ASTN1: variants seen among roughly 807,000 people sequenced by gnomAD.
ASTN1 encodes the protein astrotactin-1.
Under a neutral mutation model 140.7 loss-of-function variants are expected in ASTN1, and 41 were observed. The observed-to-expected ratio is 0.29, with a 90% CI of 0.23 to 0.38. ASTN1 has a LOEUF of 0.38. Ranked by LOEUF, ASTN1 falls within the 10% of genes least tolerant of loss-of-function variation. ASTN1 has a pLI of 1.00. For missense variants in ASTN1, 1,479 were observed against 1,678.8 expected (o/e 0.88, Z 2.08); for synonymous variants, 640 against 652.2 (o/e 0.98, Z 0.29).
chr1:177,103,434 G>C (rs1356213419), intron 1 of ASTN1, among the ~76,000 whole-genome samples: 2 of 152,104 alleles, frequency 1.3e-5, no homozygotes, highest in African/African-American at 4.8e-5. Context: ...GCAGGATAGG[G>C]CACTGGGCGA....
intron 14 of ASTN1, among the ~76,000 whole-genome samples, chr1:176,939,784 A>G (rs534379509): frequency 4.6e-5 from 7 of 151,268 alleles, no homozygotes; most frequent in African/African-American, 1.7e-4. Flanking sequence ...TATTCAAAGC[A>G]AGAAAAAGAA....
intron 1 of ASTN1, among the ~76,000 whole-genome samples, chr1:177,118,856 G>A (rs1681232495): frequency 6.6e-6 from 1 of 152,162 alleles, no homozygotes; most frequent in Non-Finnish European, 1.5e-5. Flanking sequence ...CCTTCTAGTT[G>A]GGGGACTGTG....
intron 16 of ASTN1, among the ~76,000 whole-genome samples, chr1:176,917,214 G>C (rs1422484090): frequency 1.3e-5 from 2 of 152,098 alleles, no homozygotes; most frequent in African/African-American, 4.8e-5. Flanking sequence ...CCAGAGACTT[G>C]ATGAACAACT....
At chr1:176,956,755 A>T (rs1672422928) in intron 11 of ASTN1, among the ~76,000 whole-genome samples, 1 of 152,180 alleles carries the variant, frequency 6.6e-6, no homozygotes, top group Non-Finnish European at 1.5e-5. Context: ...TGAGTATAAG[A>T]ATGGCCCACA....
intron 8 of ASTN1, among the ~76,000 whole-genome samples, chr1:176,972,225 A>G (rs983521696): frequency 2.6e-5 from 4 of 152,228 alleles, no homozygotes; most frequent in African/African-American, 9.6e-5. Context: ...TATGTGGTAC[A>G]TGACTGTACT....
intron 5 of ASTN1, among the ~76,000 whole-genome samples, chr1:177,028,061 T>A (rs1416792271): frequency 2.0e-5 from 3 of 152,164 alleles, no homozygotes; most frequent in African/African-American, 7.2e-5. Context: ...CTAGGCACTT[T>A]GGAAAAATAA....
At chr1:176,891,408 G>A (rs1669260743) in intron 17 of ASTN1, among the ~76,000 whole-genome samples, 1 of 152,200 alleles carries the variant, frequency 6.6e-6, no homozygotes, top group South Asian at 2.1e-4. Flanking sequence ...GCTAGGCACT[G>A]GGATTCTGGA....
In ASTN1 at chr1:176,920,628, G is replaced by A. The variant is rs116774227; in HGVS notation, c.2671+13524C>T. 5.7e-3 allele frequency among the ~76,000 whole-genome samples: 863 copies of A among 152,294 alleles called. 5 individuals are homozygous for A. Among genetic ancestry groups the A allele is most frequent in the African/African-American group, 0.02 (828 of 41,550 alleles). On this transcript the variant is annotated intron_variant, in intron 16 of 22. Transcript: ENST00000361833. ...GGGATGAACTATGAATGTGGGGAGT[G>A]TGTTCTGAGTCTTACAACAGTTTTT...
intron 2 of ASTN1, among the ~76,000 whole-genome samples, chr1:177,054,329 A>C (rs897742426): frequency 7.9e-5 from 12 of 152,336 alleles, no homozygotes; most frequent in African/African-American, 2.6e-4. Flanking sequence ...TGCAAAACAC[A>C]ATTTTGATGA....
intron 2 of ASTN1, among the ~76,000 whole-genome samples, chr1:177,052,884 G>A (rs941422605): frequency 6.6e-6 from 1 of 152,198 alleles, no homozygotes; most frequent in African/African-American, 2.4e-5. Flanking sequence ...GCAGAGTCAA[G>A]TTTGGAGTCA....
At chr1:177,059,102 T>G (rs1045568850) in intron 2 of ASTN1, among the ~76,000 whole-genome samples, 3 of 152,182 alleles carry the variant, frequency 2.0e-5, no homozygotes, top group South Asian at 4.1e-4. Flanking sequence ...CTATACACCT[T>G]TCTTTACCTT....
At chr1:176,937,919 C>T (rs1031185076) in intron 14 of ASTN1, among the ~76,000 whole-genome samples, 1 of 152,086 alleles carries the variant, frequency 6.6e-6, no homozygotes. Context: ...TAATTAGCTG[C>T]TTGTCAACCC....
At chr1:176,951,399 G>A (rs1672186754) in intron 11 of ASTN1, among the ~76,000 whole-genome samples, 1 of 152,230 alleles carries the variant, frequency 6.6e-6, no homozygotes, top group African/African-American at 2.4e-5. Context: ...ATGGAAGTTT[G>A]ATTGGAATTG....
chr1:177,071,709 C>T (rs1678644770), intron 1 of ASTN1, among the ~76,000 whole-genome samples: 1 of 152,178 alleles, frequency 6.6e-6, no homozygotes, highest in African/African-American at 2.4e-5. Context: ...CATAAGTGAC[C>T]TGTAAAGCTT....
At chr1:177,114,576 A>G (rs1038083875) in intron 1 of ASTN1, among the ~76,000 whole-genome samples, 2 of 152,184 alleles carry the variant, frequency 1.3e-5, no homozygotes, top group African/African-American at 4.8e-5. Context: ...CAATATTACA[A>G]CCAGGTGATA....
chr1:176,913,640 G>T (rs866875132), intron 16 of ASTN1, among the ~76,000 whole-genome samples: 9 of 152,248 alleles, frequency 5.9e-5, no homozygotes, highest in Admixed American at 2.0e-4. Context: ...CTGGGGCAGG[G>T]TAGGGAAGCC....
intron 22 of ASTN1, among the ~76,000 whole-genome samples, chr1:176,866,910 C>A (rs1668143048): frequency 6.6e-6 from 1 of 152,188 alleles, no homozygotes; most frequent in Admixed American, 6.5e-5. Flanking sequence ...TATTTCAACA[C>A]AGAGGATTTT....
At chr1:177,063,241 A>T (rs1678186267) in intron 1 of ASTN1, among the ~76,000 whole-genome samples, 1 of 152,148 alleles carries the variant, frequency 6.6e-6, no homozygotes, top group African/African-American at 2.4e-5. Flanking sequence ...CATCCCACAG[A>T]TGAGGGATAA....
chr1:177,045,752 T>C (rs1249763994), intron 2 of ASTN1, among the ~76,000 whole-genome samples: 1 of 152,144 alleles, frequency 6.6e-6, no homozygotes, highest in African/African-American at 2.4e-5. Context: ...TTTTTTCTAG[T>C]AAAATAAACT....
Sources: gnomAD v4.1 joint callset for allele counts (sites outside exome capture counted in the v4.1 genomes callset) on GRCh38, gnomAD v4.1.1 for gene constraint, MANE v1.5 for transcripts, NCBI Gene and HGNC (gene_info 2026-07-23, HGNC 2026-07-21) for gene names.